Variants in NRG2 observed in about 807,000 individuals in gnomAD.
The protein encoded by NRG2 is pro-neuregulin-2, membrane-bound isoform.
A neutral mutation model predicts 73.9 loss-of-function variants in NRG2; 27 were observed. That is an observed-to-expected ratio of 0.37 (90% confidence interval 0.27 to 0.50). NRG2 has a LOEUF of 0.50. Among genes scored for constraint, NRG2 ranks in the 20% least tolerant of loss-of-function variants. The probability of loss-of-function intolerance (pLI) is 0.96; values close to 1 mark genes in which losing one functional copy is unlikely to be tolerated. For synonymous variants in NRG2, 532 were observed against 541.0 expected, an observed-to-expected ratio of 0.98 and a Z score of 0.23; for missense variants, 1,126 against 1,210.1, an observed-to-expected ratio of 0.93 and a Z score of 1.03.
intron 5 of NRG2, chr5:139,861,657 G>C: frequency 2.1e-6 from 1 of 480,398 alleles, no homozygotes; most frequent in Non-Finnish European, 4.2e-6. Flanking sequence ...TGACTGCTTG[G>C]AGGCAGGAAA....
intron 1 of NRG2, among the ~76,000 whole-genome samples, chr5:140,024,751 A>T (rs1220278786): frequency 6.6e-6 from 1 of 152,182 alleles, no homozygotes; most frequent in East Asian, 1.9e-4. Flanking sequence ...GACTTATGGA[A>T]GCGGCTCGGG....
At chr5:139,889,468 A>G (rs904789557) in intron 1 of NRG2, among the ~76,000 whole-genome samples, 10 of 152,166 alleles carry the variant, frequency 6.6e-5, no homozygotes, top group African/African-American at 2.4e-4. Context: ...AATCAATCTT[A>G]TGGGTTCCTT....
At chr5:139,949,716 A>G (rs1052919443) in intron 1 of NRG2, among the ~76,000 whole-genome samples, 2 of 152,240 alleles carry the variant, frequency 1.3e-5, no homozygotes, top group African/African-American at 2.4e-5. Flanking sequence ...TTAGTCTTCA[A>G]AAGTCACGTT....
chr5:140,007,914 C>A (rs371674567), intron 1 of NRG2, among the ~76,000 whole-genome samples: 10 of 152,232 alleles, frequency 6.6e-5, no homozygotes, highest in African/African-American at 2.2e-4. Context: ...AGCCAAGGAT[C>A]AGGCCCAACT....
chr5:139,848,437 T>C lies in NRG2; in HGVS notation c.2033A>G (p.Tyr678Cys), dbSNP rs1338251622. Residue 678 changes from tyrosine to cysteine, a missense_variant, in exon 10 of 10, where the codon TAT becomes TGT. By Grantham distance (194) the Tyr-to-Cys change is radical. Transcript: ENST00000361474. ...ADMQRSYDSY[Y>C]YPAAGPGPRR... ...CGGTCCGGGCCCCGCCGCGGGGTAA[T>C]AGTAGCTGTCATAGCTGCGCTGCAT... The C allele has an allele frequency of 8.4e-6, 11 of 1,313,088 alleles. No homozygotes were observed. The highest frequency in any genetic ancestry group is 1.1e-5 in the Non-Finnish European group (11 of 1,042,502). The allele number at this position is 1,313,088 out of a possible 1,614,324, so 81.3% of individuals were successfully genotyped here.
At chr5:139,861,182 T>A (rs1017037852) in intron 5 of NRG2, among the ~76,000 whole-genome samples, 1 of 152,218 alleles carries the variant, frequency 6.6e-6, no homozygotes, top group Non-Finnish European at 1.5e-5. Flanking sequence ...CTGGACGGCA[T>A]GAGCTCAGCA....
At chr5:139,986,412 C>G (rs1211910624) in intron 1 of NRG2, among the ~76,000 whole-genome samples, 1 of 152,156 alleles carries the variant, frequency 6.6e-6, no homozygotes, top group East Asian at 1.9e-4. Flanking sequence ...CACACATACA[C>G]ACAGTCTTTA....
intron 1 of NRG2, among the ~76,000 whole-genome samples, chr5:140,010,472 A>G (rs1010091690): frequency 1.3e-5 from 2 of 152,148 alleles, no homozygotes; most frequent in African/African-American, 4.8e-5. Flanking sequence ...TAACTTATCA[A>G]TTGTAGGCTT....
At chr5:139,927,010 T>C (rs1005850014) in intron 1 of NRG2, among the ~76,000 whole-genome samples, 3 of 152,184 alleles carry the variant, frequency 2.0e-5, no homozygotes, top group African/African-American at 7.2e-5. Context: ...GCACCTTCTG[T>C]GACCATGGAA....
At chr5:139,893,294 C>T (rs931548945) in intron 1 of NRG2, among the ~76,000 whole-genome samples, 2 of 152,138 alleles carry the variant, frequency 1.3e-5, no homozygotes, top group Non-Finnish European at 1.5e-5. Flanking sequence ...CTAATAATAA[C>T]AATATTGCAA....
intron 1 of NRG2, among the ~76,000 whole-genome samples, chr5:139,981,144 G>A (rs760408245): frequency 5.3e-5 from 8 of 152,216 alleles, no homozygotes; most frequent in East Asian, 3.8e-4. Context: ...TGCTGTACAC[G>A]CTCTGAGGTC....
At chr5:140,039,595 A>T (rs28497827) in intron 1 of NRG2, among the ~76,000 whole-genome samples, 2,031 of 152,276 alleles carry the variant, frequency 0.013, 30 homozygotes, top group African/African-American at 0.042. Flanking sequence ...CGAGCCATTT[A>T]TGAGGACTGA....
chr5:140,010,521 T>C (rs1319129943), intron 1 of NRG2, among the ~76,000 whole-genome samples: 1 of 152,124 alleles, frequency 6.6e-6, no homozygotes, highest in African/African-American at 2.4e-5. Context: ...TGGGACACTG[T>C]ACATGTGGGG....
chr5:140,004,754 C>A (rs1168668270), intron 1 of NRG2, among the ~76,000 whole-genome samples: 1 of 152,066 alleles, frequency 6.6e-6, no homozygotes, highest in East Asian at 1.9e-4. Flanking sequence ...TAGGTAGGCT[C>A]ATGGAACAGA....
chr5:139,974,486 C>T lies in NRG2; in HGVS notation c.700+67884G>A, dbSNP rs181979094. Among the ~76,000 whole-genome samples, 88 of 152,300 alleles carry T rather than the reference C, an allele frequency of 5.8e-4. 1 individual carries two copies. The highest frequency in any genetic ancestry group is 5.4e-4 in the Non-Finnish European group (37 of 68,030). ...GGGAGCTTGGGCTAAGTTGACAACA[C>T]GTGATTGTGAGGATGATGAGCTGCC... On this transcript the variant is annotated intron_variant, in intron 1 of 9. Transcript: ENST00000361474.
At chr5:139,937,737 T>C (rs919591821) in intron 1 of NRG2, among the ~76,000 whole-genome samples, 2 of 152,224 alleles carry the variant, frequency 1.3e-5, no homozygotes, top group African/African-American at 4.8e-5. Flanking sequence ...ACCATATCAT[T>C]TGCAATAGCA....
Position 140,023,373 on chromosome 5 carries a change from C to T in NRG2, c.700+18997G>A, listed in dbSNP as rs557838765. On this transcript the variant is annotated intron_variant, in intron 1 of 9. Coordinates refer to ENST00000361474, the MANE Select transcript of NRG2 (RefSeq NM_004883.3). ...TTTGGCCTAGCACCCTATCCCCTAT[C>T]TGCCTAAATCCTCCAAATCTATTCA... 1.5e-3 allele frequency among the ~76,000 whole-genome samples: 228 copies of T among 152,276 alleles called. 2 individuals are homozygous for T. The highest frequency in any genetic ancestry group is 1.9e-3 in the Non-Finnish European group (130 of 68,012).
chr5:139,952,001 G>A (rs1402111482), intron 1 of NRG2, among the ~76,000 whole-genome samples: 1 of 152,216 alleles, frequency 6.6e-6, no homozygotes, highest in African/African-American at 2.4e-5. Context: ...GTGAAGCTTT[G>A]GAATTCTGGC....
At chr5:140,033,571 T>C (rs1580991553) in intron 1 of NRG2, among the ~76,000 whole-genome samples, 1 of 152,354 alleles carries the variant, frequency 6.6e-6, no homozygotes, top group African/African-American at 2.4e-5. Flanking sequence ...ATCCTGGGAC[T>C]CACAAGGGTG....
Sources: allele counts gnomAD v4.1 joint callset (sites outside exome capture counted in the v4.1 genomes callset), GRCh38; gene constraint gnomAD v4.1.1; transcripts MANE v1.5; gene names NCBI Gene and HGNC (gene_info 2026-07-23, HGNC 2026-07-21).